Variants in PIBF1 observed in about 807,000 individuals in gnomAD.
PIBF1 encodes the protein progesterone-induced-blocking factor 1.
In PIBF1, 90 loss-of-function variants were observed where a neutral mutation model predicts 112.5. The observed-to-expected ratio is 0.80, with a 90% CI of 0.67 to 0.95. PIBF1 has a LOEUF of 0.95. Among genes scored for constraint, PIBF1 ranks in the 40% least tolerant of loss-of-function variants. PIBF1 has a pLI of 0.00. For synonymous variants in PIBF1, 301 were observed against 288.6 expected, an observed-to-expected ratio of 1.04 and a Z score of -0.44; for missense variants, 915 against 852.3, an observed-to-expected ratio of 1.07 and a Z score of -0.92.
rs181544407 is a variant in PIBF1 at position 72,891,523 on chromosome 13, G to A, written c.1323-2261G>A. 9.2e-5 allele frequency among the ~76,000 whole-genome samples: 14 copies of A among 151,530 alleles called. No homozygotes were observed. In the East Asian group the frequency reaches 9.7e-4, roughly 10 times the overall value. On this transcript the variant is annotated intron_variant, in intron 10 of 17. Transcript: ENST00000326291. The stretch of plus-strand genomic sequence containing the variant: ...AAAGGTATTTTTTTTACCACTTCAC[G>A]CACACTAGAATGCATAATCAAAAGG...
chr13:72,915,543 A>G (rs1220872106), intron 12 of PIBF1, among the ~76,000 whole-genome samples: 1 of 152,226 alleles, frequency 6.6e-6, no homozygotes, highest in Non-Finnish European at 1.5e-5. Flanking sequence ...GATGTGAACT[A>G]AATTTACCCC....
intron 14 of PIBF1, among the ~76,000 whole-genome samples, chr13:72,957,964 A>C (rs1202587258): frequency 1.3e-5 from 2 of 151,574 alleles, no homozygotes; most frequent in Admixed American, 6.6e-5. Flanking sequence ...GCAGGGGGGA[A>C]AGAAAGAAAG....
At chr13:72,898,575 G>A (rs1054806837) in intron 11 of PIBF1, among the ~76,000 whole-genome samples, 1 of 151,758 alleles carries the variant, frequency 6.6e-6, no homozygotes, top group Non-Finnish European at 1.5e-5. Flanking sequence ...GGTGGCTCAC[G>A]CCTGTAATCC....
In PIBF1 at chr13:72,807,173, A is replaced by G. The variant is rs562785225; in HGVS notation, c.672+9147A>G. On this transcript the variant is annotated intron_variant, in intron 5 of 17. Coordinates refer to ENST00000326291, the MANE Select transcript of PIBF1 (RefSeq NM_006346.4). ...TTTTCTCTTTAGTAGGTGAAGGATA[A>G]GAGCCAAAAAAAAAAAAGGAATAAA... is the stretch of plus-strand genomic sequence containing the variant. Among the ~76,000 whole-genome samples, 13 of 93,730 alleles carry G rather than the reference A, an allele frequency of 1.4e-4. No homozygotes were observed. The Admixed American group carries it at 1.6e-3, about 12-fold the overall frequency. The allele number at this position is 93,730 out of a possible 152,430, so 61.5% of individuals were successfully genotyped here. A position where few individuals can be genotyped will look rare whatever the true frequency, so the allele number is the denominator to read the frequency against.
At chr13:72,854,868 G>A (rs893836162) in intron 10 of PIBF1, among the ~76,000 whole-genome samples, 5 of 151,230 alleles carry the variant, frequency 3.3e-5, no homozygotes, top group African/African-American at 1.2e-4. Flanking sequence ...TTTGGAAGGA[G>A]GATATCAGAG....
intron 9 of PIBF1, among the ~76,000 whole-genome samples, chr13:72,843,877 A>G (rs901795803): frequency 1.3e-5 from 2 of 152,068 alleles, no homozygotes; most frequent in Non-Finnish European, 2.9e-5. Flanking sequence ...AGCCCCTCCA[A>G]CAGTCTTCTC....
chr13:72,940,744 A>G (rs935135913), intron 14 of PIBF1, among the ~76,000 whole-genome samples: 1 of 152,150 alleles, frequency 6.6e-6, no homozygotes, highest in Non-Finnish European at 1.5e-5. Flanking sequence ...CTCCCCCATT[A>G]CTACAACCAA....
Position 72,908,555 on chromosome 13 carries a change from C to T in PIBF1, c.1513C>T (p.Leu505Phe), listed in dbSNP as rs779687254. ...GGTTTTAACCAAAGAATTTTATAGT[C>T]TCCAAGCCTCTTCTGAAAAACGCAT... ...LEVLTKEFYS[L>F]QASSEKRITE... Residue 505 changes from leucine (L) to phenylalanine (F), a missense_variant, in exon 12 of 18, where the codon CTC becomes TTC. Transcript: ENST00000326291. 6.2e-7 allele frequency: 1 copy of T among 1,611,872 alleles called. No individual in the cohort carries two copies. The highest frequency in any genetic ancestry group is 8.5e-7 in the Non-Finnish European group (1 of 1,178,680).
chr13:72,996,096 G>GT (rs1227533996), intron 16 of PIBF1, among the ~76,000 whole-genome samples: 1 of 115,362 alleles, frequency 8.7e-6, no homozygotes, highest in Non-Finnish European at 1.8e-5. Flanking sequence ...GCGGGGGGGG[G>GT]GGGTCATAAA....
At chr13:72,783,788 T>G in intron 2 of PIBF1, 67 bp downstream of exon 2, 1 of 1,312,452 alleles carries the variant, frequency 7.6e-7, no homozygotes, top group Non-Finnish European at 1.1e-6. Flanking sequence ...TAAATAAGAA[T>G]TAAATACACA....
At chr13:72,919,350 A>G (rs188136123) in intron 13 of PIBF1, among the ~76,000 whole-genome samples, 66 of 152,354 alleles carry the variant, frequency 4.3e-4, no homozygotes, top group Non-Finnish European at 7.4e-5. Flanking sequence ...AGGCGAGCTG[A>G]ATAGAAAGTA....
chr13:73,009,148 G>C (rs1010896653), intron 17 of PIBF1, among the ~76,000 whole-genome samples: 6 of 152,098 alleles, frequency 3.9e-5, no homozygotes, highest in African/African-American at 1.4e-4. Flanking sequence ...AGCGGGAAGC[G>C]AGAAAAAGGG....
At chr13:72,806,449 C>A (rs2035739111) in intron 5 of PIBF1, among the ~76,000 whole-genome samples, 1 of 151,714 alleles carries the variant, frequency 6.6e-6, no homozygotes, top group Admixed American at 6.6e-5. Flanking sequence ...TAGGTATACT[C>A]CTGCCATGGT....
chr13:72,918,138 C>A (rs2041164221), intron 13 of PIBF1, among the ~76,000 whole-genome samples: 1 of 152,148 alleles, frequency 6.6e-6, no homozygotes, highest in Non-Finnish European at 1.5e-5. Flanking sequence ...CATTCACTAC[C>A]ACATCAAATC....
intron 16 of PIBF1, among the ~76,000 whole-genome samples, chr13:72,992,659 T>G (rs1170963521): frequency 1.3e-5 from 2 of 151,692 alleles, no homozygotes; most frequent in Non-Finnish European, 2.9e-5. Flanking sequence ...AATAAAAAAA[T>G]AATTAGCCAG....
chr13:73,005,620 TAGCAGTTATTTATA>T (rs2044009737), intron 17 of PIBF1, among the ~76,000 whole-genome samples: 1 of 152,142 alleles, frequency 6.6e-6, no homozygotes, highest in Non-Finnish European at 1.5e-5. Flanking sequence ...AAATGGAACG[TAGCAGTTATTTATA>T]ATATAGTAAT....
rs376076164 is a variant in PIBF1, at chr13:72,916,307, G to A, written c.1640-769G>A. On this transcript the variant is annotated intron_variant, in intron 12 of 17. Coordinates refer to ENST00000326291, the MANE Select transcript of PIBF1 (RefSeq NM_006346.4). ...CTGGGGAGGCTGAGGCAGGAGAATCGCTTGAACCTGGGAGGCAGAGGTCGC... is the reference window on the plus strand; with the variant it reads ...CTGGGGAGGCTGAGGCAGGAGAATCACTTGAACCTGGGAGGCAGAGGTCGC... Among the ~76,000 whole-genome samples, 10 of 151,800 alleles carry A rather than the reference G, an allele frequency of 6.6e-5. No individual in the cohort carries two copies. In the South Asian group the frequency reaches 1.2e-3, roughly 19 times the overall value.
chr13:72,939,396 C>T (rs2041953108), intron 14 of PIBF1, among the ~76,000 whole-genome samples: 1 of 152,116 alleles, frequency 6.6e-6, no homozygotes, highest in Non-Finnish European at 1.5e-5. Context: ...CCTCTTTGCC[C>T]CCACCCTCTG....
At chr13:72,866,575 T>C (rs994463977) in intron 10 of PIBF1, among the ~76,000 whole-genome samples, 1 of 152,172 alleles carries the variant, frequency 6.6e-6, no homozygotes, top group Non-Finnish European at 1.5e-5. Context: ...TTAAAAGTCT[T>C]CCTGTGTGAC....
Sources: gnomAD v4.1 joint callset for allele counts (sites outside exome capture counted in the v4.1 genomes callset) on GRCh38, gnomAD v4.1.1 for gene constraint, MANE v1.5 for transcripts, NCBI Gene and HGNC (gene_info 2026-07-23, HGNC 2026-07-21) for gene names.